GPBP1: variants seen among roughly 807,000 people sequenced by gnomAD.
The protein encoded by GPBP1 is GC-rich promoter binding protein 1, also known as vasculin.
A neutral mutation model predicts 56.5 loss-of-function variants in GPBP1; 13 were observed. The observed-to-expected ratio is 0.23, with a 90% CI of 0.15 to 0.37. GPBP1 has a LOEUF of 0.37. Ranked by LOEUF, GPBP1 falls within the 10% of genes least tolerant of loss-of-function variation. GPBP1 has a pLI of 1.00. For missense variants in GPBP1, 477 were observed against 572.3 expected, an observed-to-expected ratio of 0.83 and a Z score of 1.70; for synonymous variants, 204 against 188.9, an observed-to-expected ratio of 1.08 and a Z score of -0.66.
chr5:57,181,219 T>C (rs1754029352), intron 2 of GPBP1, among the ~76,000 whole-genome samples: 1 of 152,062 alleles, frequency 6.6e-6, no homozygotes, highest in Non-Finnish European at 1.5e-5. Context: ...CCTGTAGTCC[T>C]AGCTACTTGG....
intron 2 of GPBP1, among the ~76,000 whole-genome samples, chr5:57,177,122 AT>A (rs561944521): frequency 3.0e-4 from 46 of 151,546 alleles, no homozygotes; most frequent in Non-Finnish European, 5.0e-4. Flanking sequence ...ATGAGTATAC[AT>A]TTTTTTTTCC....
Position 57,226,650 on chromosome 5 carries a change from G to C in GPBP1, c.64-4196G>C, listed in dbSNP as rs868045227. Among the ~76,000 whole-genome samples the C allele has an allele frequency of 2.8e-5, 4 of 140,624 alleles. No individual in the cohort carries two copies. The South Asian group carries it at 9.1e-4, about 32-fold the overall frequency. The allele number at this position is 140,624 out of a possible 152,430, so 92.3% of individuals were successfully genotyped here. On this transcript the variant is annotated intron_variant, in intron 3 of 11. Coordinates refer to ENST00000506184, the MANE Select transcript of GPBP1 (RefSeq NM_022913.4). ...TCTCAGCTCACTGCAGCCTCCGCCTGCTGGGTTCAGGCAGTTCTCATACTT... is the reference window on the plus strand; with the variant it reads ...TCTCAGCTCACTGCAGCCTCCGCCTCCTGGGTTCAGGCAGTTCTCATACTT...
At chr5:57,188,969 T>A (rs1359418922) in intron 2 of GPBP1, among the ~76,000 whole-genome samples, 1 of 152,028 alleles carries the variant, frequency 6.6e-6, no homozygotes, top group Non-Finnish European at 1.5e-5. Flanking sequence ...ACTAGACTTG[T>A]ACAAGCCTCT....
At chr5:57,237,981 T>C (rs1740614285) in intron 6 of GPBP1, among the ~76,000 whole-genome samples, 2 of 152,202 alleles carry the variant, frequency 1.3e-5, no homozygotes, top group Non-Finnish European at 2.9e-5. Context: ...GCTACATAAA[T>C]TGAATTCTGC....
chr5:57,219,268 C>T (rs1167592085), intron 3 of GPBP1, among the ~76,000 whole-genome samples: 4 of 148,114 alleles, frequency 2.7e-5, no homozygotes, highest in African/African-American at 1.0e-4. Context: ...CCCAGCTACT[C>T]GGGAGGCTGA....
intron 3 of GPBP1, among the ~76,000 whole-genome samples, chr5:57,226,961 G>A (rs550500003): frequency 6.6e-6 from 1 of 152,042 alleles, no homozygotes; most frequent in South Asian, 2.1e-4. Flanking sequence ...GGATGATCTC[G>A]ATCTCCTGAC....
chr5:57,204,719 C>A, intron 2 of GPBP1, among the ~76,000 whole-genome samples: 1 of 152,140 alleles, frequency 6.6e-6, no homozygotes, highest in Non-Finnish European at 1.5e-5. Flanking sequence ...TGTTCAGGCA[C>A]ACAATATCAG....
At chr5:57,242,469 A>G (rs1740876890) in intron 6 of GPBP1, among the ~76,000 whole-genome samples, 1 of 152,188 alleles carries the variant, frequency 6.6e-6, no homozygotes, top group African/African-American at 2.4e-5. Flanking sequence ...AAAAGTACAC[A>G]TTCTTCTGTA....
chr5:57,184,891 T>A (rs1315149001), intron 2 of GPBP1, among the ~76,000 whole-genome samples: 1 of 152,210 alleles, frequency 6.6e-6, no homozygotes, highest in Non-Finnish European at 1.5e-5. Context: ...TTCATGCATG[T>A]TGTTTCATGT....
At chr5:57,184,048 A>G (rs1410906596) in intron 2 of GPBP1, among the ~76,000 whole-genome samples, 3 of 152,246 alleles carry the variant, frequency 2.0e-5, no homozygotes, top group Non-Finnish European at 4.4e-5. Context: ...CCTGGCCAAC[A>G]TGGTGAAACC....
rs1554067241 is a variant in GPBP1, at chr5:57,219,430, A to ACC, written c.63+5238_63+5239insCC. ...CAAAAACAAACAAACAAAAAAAAAAACAACAAAACCACACACACAAAAAAC... is the reference window on the plus strand; with the variant it reads ...CAAAAACAAACAAACAAAAAAAAAAACCCAACAAAACCACACACACAAAAAAC... On this transcript the variant is annotated intron_variant, in intron 3 of 11. Transcript: ENST00000506184. 9.1e-4 allele frequency among the ~76,000 whole-genome samples: 133 copies of ACC among 146,472 alleles called. 5 individuals are homozygous for ACC. Among genetic ancestry groups the ACC allele is most frequent in the Middle Eastern group, 6.8e-3 (2 of 292 alleles).
At chr5:57,250,160 C>T (rs575292951) in intron 9 of GPBP1, among the ~76,000 whole-genome samples, 9 of 149,798 alleles carry the variant, frequency 6.0e-5, no homozygotes, top group African/African-American at 1.5e-4. Flanking sequence ...GTTTTTTGTA[C>T]GTTTGGCTAA....
chr5:57,232,056 C>T (rs7714635), intron 5 of GPBP1, among the ~76,000 whole-genome samples: 222 of 152,228 alleles, frequency 1.5e-3, no homozygotes, highest in African/African-American at 5.0e-3. Context: ...CAGGGTCTCA[C>T]TCTTTTGCCT....
intron 2 of GPBP1, among the ~76,000 whole-genome samples, chr5:57,190,095 T>C (rs750193883): frequency 2.2e-4 from 33 of 150,322 alleles, no homozygotes; most frequent in Non-Finnish European, 1.0e-4. Context: ...TTGTTTACTG[T>C]TGTAGTCTCA....
At chr5:57,200,829 T>C (rs972022500) in intron 2 of GPBP1, among the ~76,000 whole-genome samples, 1 of 152,150 alleles carries the variant, frequency 6.6e-6, no homozygotes, top group Middle Eastern at 3.2e-3. Context: ...CTACAGGCGC[T>C]AGCCACCACG....
At chr5:57,183,840 C>T (rs1395304253) in intron 2 of GPBP1, among the ~76,000 whole-genome samples, 1 of 147,838 alleles carries the variant, frequency 6.8e-6, no homozygotes, top group Admixed American at 6.9e-5. Flanking sequence ...GGTGCCATCA[C>T]AGTTTGCTGC....
chr5:57,219,374 TC>T (rs112599307), intron 3 of GPBP1, among the ~76,000 whole-genome samples: 1 of 18,762 alleles, frequency 5.3e-5, no homozygotes, highest in Non-Finnish European at 8.5e-5. Context: ...AGACTCTGTC[TC>T]AAAAAAAAAA....
intron 10 of GPBP1, among the ~76,000 whole-genome samples, chr5:57,258,329 T>A (rs750453489): frequency 1.3e-5 from 2 of 152,084 alleles, no homozygotes; most frequent in Non-Finnish European, 2.9e-5. Flanking sequence ...GTGAAACTCA[T>A]AGAGTGTACT....
chr5:57,231,662 T>C (rs1756466950), intron 5 of GPBP1, among the ~76,000 whole-genome samples: 1 of 152,258 alleles, frequency 6.6e-6, no homozygotes, highest in Non-Finnish European at 1.5e-5. Flanking sequence ...CATATTTATC[T>C]AGTTCTTGCG....
Sources: gnomAD v4.1 joint callset for allele counts (sites outside exome capture counted in the v4.1 genomes callset) on GRCh38, gnomAD v4.1.1 for gene constraint, MANE v1.5 for transcripts, NCBI Gene and HGNC (gene_info 2026-07-23, HGNC 2026-07-21) for gene names.